Variants in PLEKHM2 observed in about 807,000 individuals in gnomAD.
PLEKHM2 encodes pleckstrin homology and RUN domain containing M2, also known as pleckstrin homology domain-containing family M member 2.
Under a neutral mutation model 116.3 loss-of-function variants are expected in PLEKHM2, and 77 were observed. The observed-to-expected ratio is 0.66, with a 90% CI of 0.55 to 0.80. The LOEUF (loss-of-function observed/expected upper bound fraction) is 0.80, where lower values mean the gene tolerates loss of function less well. Among genes scored for constraint, PLEKHM2 ranks in the 30% least tolerant of loss-of-function variants. PLEKHM2 has a pLI of 0.00. For synonymous variants in PLEKHM2, 562 were observed against 571.0 expected (o/e 0.98, Z 0.22); for missense variants, 1,183 against 1,354.9 (o/e 0.87, Z 1.99).
In PLEKHM2 at chr1:15,727,108, G is replaced by A. The variant is rs1181694783; in HGVS notation, c.1036G>A (p.Ala346Thr). ...CCCCGCCTGCAGCCAGAAGAAATGT[G>A]CCAAGCAGGGGGACGGTGACAGCCG... ...LHPACSQKKC[A>T]KQGDGDSRNG... Residue 346 changes from alanine to threonine, a missense_variant, in exon 9 of 20, where the codon GCC (alanine) becomes ACC (threonine). Physicochemically the swap from Ala to Thr is moderately conservative, Grantham distance 58 (BLOSUM62 0). Coordinates refer to ENST00000375799, the MANE Select transcript of PLEKHM2 (RefSeq NM_015164.4). This position sits in a 1 kb window ranked among gnomAD's most constrained non-coding sequence, Gnocchi z 7.5. 6.4e-7 allele frequency: 1 copy of A among 1,573,196 alleles called. No homozygotes were observed. The highest frequency in any genetic ancestry group is 1.3e-5 in the African/African-American group (1 of 74,148).
chr1:15,683,742 G>C (rs1322141605), upstream of PLEKHM2, among the ~76,000 whole-genome samples: 2 of 150,150 alleles, frequency 1.3e-5, no homozygotes, highest in African/African-American at 2.5e-5. Context: ...GGAGTCCCTG[G>C]AGTCTGAGGG....
intron 1 of PLEKHM2, among the ~76,000 whole-genome samples, chr1:15,692,313 A>G (rs1234537664): frequency 6.6e-6 from 1 of 152,164 alleles, no homozygotes; most frequent in Non-Finnish European, 1.5e-5. Flanking sequence ...TTTACATAAA[A>G]TAGTATCTAC....
rs1641495796 is a variant in PLEKHM2 at position 15,718,623 on chromosome 1, C to T, written c.463C>T (p.Leu155=). ...AGAGTTCATTCGTTTCGAGCTGGAT[C>T]TGGTGAGACACCAGGGCTCTCACTG... ...GLEFIRFELD[L]DAPYLDLAPY... Residue 155 remains leucine, a splice_region_variant and synonymous_variant, in exon 5 of 20, where the codon CTG becomes TTG. Transcript: ENST00000375799. 1 of 1,315,546 alleles carries T rather than the reference C, an allele frequency of 7.6e-7. No homozygotes were observed. The highest frequency in any genetic ancestry group is 1.0e-6 in the Non-Finnish European group (1 of 998,444). The allele number at this position is 1,315,546 out of a possible 1,614,324, so 81.5% of individuals were successfully genotyped here. A position where few individuals can be genotyped will look rare whatever the true frequency, so the allele number is the denominator to read the frequency against.
intron 16 of PLEKHM2, 81 bp downstream of exon 16, chr1:15,731,338 C>T (rs1212141285): frequency 1.8e-6 from 2 of 1,106,794 alleles, no homozygotes; most frequent in Non-Finnish European, 2.7e-6. Flanking sequence ...CCCCTGTTGG[C>T]AGTTCAGCCT....
chr1:15,720,549 G>A (rs1032651653), intron 6 of PLEKHM2: 1 of 905,046 alleles, frequency 1.1e-6, no homozygotes, highest in Admixed American at 6.3e-5. Context: ...CAAACCTTAG[G>A]CCCTGGTGTT....
rs749464058 is a variant in PLEKHM2 at position 15,718,520 on chromosome 1, G to A, written c.378-18G>A. On this transcript the variant is annotated intron_variant, in intron 4 of 19. Transcript: ENST00000375799. ...AAACAGACCCAGAGGCACCATCGTG[G>A]CTTCTCATGTCTTGCAGGAATGCCC... 25 of 1,502,808 alleles carry A rather than the reference G, an allele frequency of 1.7e-5. 1 individual carries two copies. In the South Asian group the frequency reaches 3.0e-4, roughly 18 times the overall value. The allele number at this position is 1,502,808 out of a possible 1,614,324, so 93.1% of individuals were successfully genotyped here.
Position 15,721,040 on chromosome 1 carries a change from G to A in PLEKHM2, c.653-289G>A. 2.6e-6 allele frequency: 1 copy of A among 385,022 alleles called. No homozygotes were observed. The highest frequency in any genetic ancestry group is 7.2e-4 in the Middle Eastern group (1 of 1,392). The allele number at this position is 385,022 out of a possible 1,614,324, so 23.9% of individuals were successfully genotyped here. On this transcript the variant is annotated intron_variant, in intron 6 of 19. Coordinates refer to ENST00000375799, the MANE Select transcript of PLEKHM2 (RefSeq NM_015164.4). This position sits in a 1 kb window ranked among gnomAD's most constrained non-coding sequence, Gnocchi z 5.1. ...ACGTAAGAGGTAGAAAACAAAGCTA[G>A]GCACAGGCAGCCAGGCTTCTCTCTG...
In PLEKHM2 at chr1:15,728,689, C is replaced by A; in HGVS notation, c.1942C>A (p.Leu648Met). The A allele has an allele frequency of 6.2e-7, 1 of 1,611,790 alleles. No individual in the cohort carries two copies. Among genetic ancestry groups the A allele is most frequent in the Non-Finnish European group, 8.5e-7 (1 of 1,178,974 alleles). ...CTCAGGGGCCACAGAGAAGCCATAC[C>A]TGGTGGAAGAGGCCGTTTCTTACAA... is the stretch of plus-strand genomic sequence containing the variant. ...LRKGATEKPY[L>M]VEEAVSYNEL... The change falls in exon 12 of 20, where the codon CTG becomes ATG. Residue 648 changes from leucine to methionine, a missense_variant. Physicochemically the swap from Leu to Met is conservative, Grantham distance 15 (BLOSUM62 2). Transcript: ENST00000375799. The surrounding 1 kb of genome is among the most constrained non-coding windows in gnomAD (Gnocchi z 5.9).
At chr1:15,693,991 C>A (rs180742493) in intron 1 of PLEKHM2, among the ~76,000 whole-genome samples, 1 of 152,186 alleles carries the variant, frequency 6.6e-6, no homozygotes, top group Non-Finnish European at 1.5e-5. Flanking sequence ...CAGTGCCCTT[C>A]TGTCCAACGG....
At chr1:15,682,269 C>A (rs185396393), upstream of PLEKHM2, among the ~76,000 whole-genome samples, 6 of 151,466 alleles carry the variant, frequency 4.0e-5, no homozygotes, top group Admixed American at 4.0e-4. Context: ...GCCAACATGG[C>A]GAAACCCCGT....
intron 7 of PLEKHM2, among the ~76,000 whole-genome samples, chr1:15,724,212 C>T (rs1381703315): frequency 2.0e-5 from 3 of 152,156 alleles, no homozygotes; most frequent in South Asian, 2.1e-4. Context: ...CGGCCGGGCA[C>T]GGTGGCTCAC....
At chr1:15,710,272 G>T (rs561180398) in intron 1 of PLEKHM2, among the ~76,000 whole-genome samples, 2 of 151,192 alleles carry the variant, frequency 1.3e-5, no homozygotes, top group South Asian at 4.2e-4. Context: ...GAAGAAAATT[G>T]TAGTGAAATT....
intron 1 of PLEKHM2, among the ~76,000 whole-genome samples, chr1:15,699,655 G>A (rs1332224997): frequency 6.6e-6 from 1 of 152,110 alleles, no homozygotes; most frequent in Non-Finnish European, 1.5e-5. Flanking sequence ...ATAAACATAT[G>A]TGTGCATGTG....
At chr1:15,715,230 C>CT (rs1641420953) in intron 1 of PLEKHM2, among the ~76,000 whole-genome samples, 1 of 152,204 alleles carries the variant, frequency 6.6e-6, no homozygotes. Context: ...CAGAGGGTAG[C>CT]TCCAAGTGGG....
chr1:15,695,277 C>G (rs1640971528), intron 1 of PLEKHM2, among the ~76,000 whole-genome samples: 1 of 152,192 alleles, frequency 6.6e-6, no homozygotes, highest in African/African-American at 2.4e-5. Context: ...AATCTCCAAA[C>G]TTAATTTTTG....
In PLEKHM2 at chr1:15,701,651, C is replaced by T. The variant is rs573620722; in HGVS notation, c.61-14586C>T. On this transcript the variant is annotated intron_variant, in intron 1 of 19. Coordinates refer to ENST00000375799, the MANE Select transcript of PLEKHM2 (RefSeq NM_015164.4). ...AAAAATACAAAAAAAATTAGCTGGA[C>T]GTGGTGGCGGGCGCCTGTAGTCCCA... is the stretch of plus-strand genomic sequence containing the variant. 3.3e-5 allele frequency among the ~76,000 whole-genome samples: 5 copies of T among 151,780 alleles called. No homozygotes were observed. The East Asian group carries it at 7.8e-4, about 24-fold the overall frequency.
intron 1 of PLEKHM2, among the ~76,000 whole-genome samples, chr1:15,714,002 C>T (rs1044723771): frequency 5.4e-5 from 8 of 149,442 alleles, no homozygotes; most frequent in Non-Finnish European, 1.5e-5. Flanking sequence ...AGTGCAGTGG[C>T]ACAATCTCAG....
intron 1 of PLEKHM2, among the ~76,000 whole-genome samples, chr1:15,704,947 G>A (rs1230063853): frequency 2.0e-5 from 3 of 152,120 alleles, no homozygotes; most frequent in African/African-American, 7.2e-5. Flanking sequence ...TGCTTCTTGT[G>A]CCCTGACTCC....
At chr1:15,704,342 C>T (rs1322554121) in intron 1 of PLEKHM2, among the ~76,000 whole-genome samples, 1 of 145,242 alleles carries the variant, frequency 6.9e-6, no homozygotes, top group Non-Finnish European at 1.5e-5. Context: ...TCCTCTTCCT[C>T]TCTGTTCTTC....
Sources: gnomAD v4.1 joint callset for allele counts (sites outside exome capture counted in the v4.1 genomes callset) on GRCh38, gnomAD v4.1.1 for gene constraint, Gnocchi (gnomAD v3.1) non-coding constraint, MANE v1.5 for transcripts, NCBI Gene and HGNC (gene_info 2026-07-23, HGNC 2026-07-21) for gene names.